Variants in ST6GALNAC3 observed in about 807,000 individuals in gnomAD.
ST6GALNAC3 encodes the protein alpha-N-acetylgalactosaminide alpha-2,6-sialyltransferase 3.
Under a neutral mutation model 32.7 loss-of-function variants are expected in ST6GALNAC3, and 25 were observed. The ratio of observed to expected loss-of-function variants is 0.76; its 90% CI spans 0.56 to 1.07. The LOEUF is 1.07. ST6GALNAC3 is among the 50% of genes least tolerant of loss of function. The pLI, the probability that ST6GALNAC3 is intolerant of heterozygous loss-of-function variation, is 0.00. For synonymous variants in ST6GALNAC3, 129 were observed against 133.1 expected (o/e 0.97, Z 0.21); for missense variants, 355 against 382.4 (o/e 0.93, Z 0.60).
chr1:76,240,283 CTG>C (rs1656892137), intron 1 of ST6GALNAC3, among the ~76,000 whole-genome samples: 1 of 152,126 alleles, frequency 6.6e-6, no homozygotes, highest in East Asian at 1.9e-4. Context: ...TTAAAAATGC[CTG>C]TCTCTTCTCC....
At chr1:76,195,928 A>T (rs991268907) in intron 1 of ST6GALNAC3, among the ~76,000 whole-genome samples, 1 of 152,220 alleles carries the variant, frequency 6.6e-6, no homozygotes, top group East Asian at 1.9e-4. Flanking sequence ...GGTAAGAAGG[A>T]GAAAGGTTTT....
At chr1:76,169,423 G>A (rs1652332297) in intron 1 of ST6GALNAC3, among the ~76,000 whole-genome samples, 1 of 152,064 alleles carries the variant, frequency 6.6e-6, no homozygotes, top group African/African-American at 2.4e-5. Flanking sequence ...ATGATTATGT[G>A]CTTGGGGATG....
chr1:76,610,937 T>A (rs1478724256), intron 3 of ST6GALNAC3, among the ~76,000 whole-genome samples: 1 of 152,190 alleles, frequency 6.6e-6, no homozygotes, highest in African/African-American at 2.4e-5. Flanking sequence ...GCTAGGTATT[T>A]GTGACTAAGT....
chr1:76,416,695 T>C (rs958498728), intron 3 of ST6GALNAC3, among the ~76,000 whole-genome samples: 2 of 146,994 alleles, frequency 1.4e-5, no homozygotes, highest in African/African-American at 2.5e-5. Flanking sequence ...TGGCATGATC[T>C]CTGTTCACTA....
chr1:76,316,097 G>T (rs556519194), intron 2 of ST6GALNAC3, among the ~76,000 whole-genome samples: 20 of 152,200 alleles, frequency 1.3e-4, no homozygotes, highest in Admixed American at 7.9e-4. Context: ...TGAAACGCCA[G>T]ATTGGCAAAA....
chr1:76,447,922 C>G (rs759801042), intron 3 of ST6GALNAC3, among the ~76,000 whole-genome samples: 1 of 152,140 alleles, frequency 6.6e-6, no homozygotes, highest in Non-Finnish European at 1.5e-5. Context: ...GGGGTCAGAG[C>G]CCCCACAGAG....
At chr1:76,094,968 G>C (rs531696092) in intron 1 of ST6GALNAC3, among the ~76,000 whole-genome samples, 2 of 150,064 alleles carry the variant, frequency 1.3e-5, no homozygotes, top group African/African-American at 4.9e-5. Flanking sequence ...CTTCCTCTTG[G>C]TACTGCTCTC....
intron 3 of ST6GALNAC3, among the ~76,000 whole-genome samples, chr1:76,429,296 G>A (rs1474703852): frequency 6.6e-6 from 1 of 152,104 alleles, no homozygotes; most frequent in Non-Finnish European, 1.5e-5. Flanking sequence ...TCTAGGTCAA[G>A]TGTAAACTCT....
At chr1:76,202,085 A>G (rs978417044) in intron 1 of ST6GALNAC3, among the ~76,000 whole-genome samples, 8 of 152,262 alleles carry the variant, frequency 5.3e-5, no homozygotes, top group African/African-American at 1.9e-4. Context: ...CACAGAGGGC[A>G]AATCAGGTGT....
At chr1:76,494,500 T>C (rs1660712055) in intron 3 of ST6GALNAC3, among the ~76,000 whole-genome samples, 1 of 131,436 alleles carries the variant, frequency 7.6e-6, no homozygotes, top group Non-Finnish European at 1.6e-5. Context: ...CCCTACTTTC[T>C]TCCACTTATT....
intron 3 of ST6GALNAC3, among the ~76,000 whole-genome samples, chr1:76,624,038 G>C (rs1385054155): frequency 6.6e-6 from 1 of 151,920 alleles, no homozygotes; most frequent in African/African-American, 2.4e-5. Flanking sequence ...CTGTGGGTAG[G>C]AAACCCCCTG....
intron 2 of ST6GALNAC3, among the ~76,000 whole-genome samples, chr1:76,349,992 CT>C (rs1263594459): frequency 6.6e-6 from 1 of 152,050 alleles, no homozygotes; most frequent in Non-Finnish European, 1.5e-5. Flanking sequence ...ATATAGATAG[CT>C]TGACTATAAA....
At chr1:76,210,141 G>A (rs1210091436) in intron 1 of ST6GALNAC3, among the ~76,000 whole-genome samples, 1 of 151,816 alleles carries the variant, frequency 6.6e-6, no homozygotes, top group Non-Finnish European at 1.5e-5. Context: ...GTATATGTGT[G>A]CCATTATGAT....
chr1:76,511,400 A>C (rs1448231192), intron 3 of ST6GALNAC3, among the ~76,000 whole-genome samples: 1 of 152,102 alleles, frequency 6.6e-6, no homozygotes, highest in Non-Finnish European at 1.5e-5. Flanking sequence ...TTTCAGGCCC[A>C]TGGACCTGCC....
At chr1:76,120,383 G>A (rs1236921702) in intron 1 of ST6GALNAC3, among the ~76,000 whole-genome samples, 1 of 152,110 alleles carries the variant, frequency 6.6e-6, no homozygotes, top group East Asian at 1.9e-4. Flanking sequence ...TGAGTTTGTG[G>A]GGACAAAAGA....
At chr1:76,523,299 A>C (rs1005235503) in intron 3 of ST6GALNAC3, among the ~76,000 whole-genome samples, 1 of 151,896 alleles carries the variant, frequency 6.6e-6, no homozygotes, top group East Asian at 1.9e-4. Flanking sequence ...TTTTTTTATA[A>C]TGTTTGTCTT....
intron 1 of ST6GALNAC3, among the ~76,000 whole-genome samples, chr1:76,226,086 A>G (rs1408091168): frequency 1.3e-5 from 2 of 152,198 alleles, no homozygotes; most frequent in Non-Finnish European, 2.9e-5. Flanking sequence ...TTTTCCGTCC[A>G]GATAGATGAA....
At chr1:76,152,659 A>T (rs1056068021) in intron 1 of ST6GALNAC3, among the ~76,000 whole-genome samples, 1 of 152,218 alleles carries the variant, frequency 6.6e-6, no homozygotes, top group Non-Finnish European at 1.5e-5. Context: ...AAAGGCCCCC[A>T]CAGTTTCAAT....
chr1:76,544,081 A>T (rs1012019532), intron 3 of ST6GALNAC3, among the ~76,000 whole-genome samples: 53 of 5,702 alleles, frequency 9.3e-3, no homozygotes, highest in African/African-American at 0.011. Context: ...AATTACATTT[A>T]TATATATATA....
Sources: gnomAD v4.1 joint callset for allele counts (sites outside exome capture counted in the v4.1 genomes callset) on GRCh38, gnomAD v4.1.1 for gene constraint, MANE v1.5 for transcripts, NCBI Gene and HGNC (gene_info 2026-07-23, HGNC 2026-07-21) for gene names.